Variants in PGBD5 observed in about 807,000 individuals in gnomAD.
The protein encoded by PGBD5 is piggyBac transposable element-derived protein 5.
In PGBD5, 14 loss-of-function variants were observed where a neutral mutation model predicts 47.9. The observed-to-expected ratio is 0.29, with a 90% CI of 0.19 to 0.46. The LOEUF (loss-of-function observed/expected upper bound fraction) is 0.46, where lower values mean the gene tolerates loss of function less well. PGBD5 is among the 20% of genes least tolerant of loss of function. The pLI is 1.00. For synonymous variants in PGBD5, 316 were observed against 306.3 expected, an observed-to-expected ratio of 1.03 and a Z score of -0.33; for missense variants, 635 against 716.0, an observed-to-expected ratio of 0.89 and a Z score of 1.29.
chr1:230,360,413 A>C (rs1460241673), intron 1 of PGBD5, among the ~76,000 whole-genome samples: 1 of 152,142 alleles, frequency 6.6e-6, no homozygotes, highest in African/African-American at 2.4e-5. Context: ...GCTATTCAGG[A>C]GTCAGTGATA....
chr1:230,365,312 CAAA>C (rs34846205), intron 1 of PGBD5, among the ~76,000 whole-genome samples: 2 of 115,742 alleles, frequency 1.7e-5, no homozygotes, highest in African/African-American at 3.3e-5. Flanking sequence ...GACTCCATCT[CAAA>C]AAAAAAAAAA....
intron 3 of PGBD5, 125 bp downstream of exon 3, chr1:230,350,833 G>A (rs1207526970): frequency 7.3e-7 from 1 of 1,362,450 alleles, no homozygotes; most frequent in Non-Finnish European, 9.9e-7. Flanking sequence ...GCATCTGGGT[G>A]GACTTGGACC....
At chr1:230,391,867 T>C (rs1014861800) in intron 1 of PGBD5, among the ~76,000 whole-genome samples, 9 of 152,218 alleles carry the variant, frequency 5.9e-5, no homozygotes, top group Admixed American at 2.0e-4. Flanking sequence ...CCATGCTGCA[T>C]TTCTTTCTTC....
intron 5 of PGBD5, among the ~76,000 whole-genome samples, chr1:230,326,889 C>A (rs1173850142): frequency 1.3e-5 from 2 of 152,142 alleles, no homozygotes; most frequent in Non-Finnish European, 2.9e-5. Flanking sequence ...CCTCAAACAC[C>A]TTTTCCTCTA....
intron 3 of PGBD5, among the ~76,000 whole-genome samples, chr1:230,350,341 TATC>T (rs1373746018): frequency 3.9e-5 from 6 of 152,194 alleles, no homozygotes; most frequent in African/African-American, 1.4e-4. Flanking sequence ...TTCCTGGGAG[TATC>T]ATCACAAAAA....
intron 1 of PGBD5, among the ~76,000 whole-genome samples, chr1:230,374,660 G>A (rs1454940864): frequency 1.3e-5 from 2 of 152,224 alleles, no homozygotes; most frequent in East Asian, 3.9e-4. Flanking sequence ...TGGCTTTTAT[G>A]AGTAGAAAAA....
At chr1:230,422,286 C>A (rs1571868329) in intron 1 of PGBD5, among the ~76,000 whole-genome samples, 1 of 152,038 alleles carries the variant, frequency 6.6e-6, no homozygotes, top group Non-Finnish European at 1.5e-5. Flanking sequence ...CTCCGAGAAA[C>A]GAATCACAAG....
chr1:230,358,570 T>TAC (rs140258742), intron 1 of PGBD5, among the ~76,000 whole-genome samples: 12 of 151,766 alleles, frequency 7.9e-5, no homozygotes, highest in East Asian at 1.9e-4. Flanking sequence ...GCCCTTTGAA[T>TAC]ACACACACAC....
chr1:230,383,229 C>T lies in PGBD5; in HGVS notation c.332-25908G>A, dbSNP rs1434216810. Among the ~76,000 whole-genome samples, 60 of 151,984 alleles carry T rather than the reference C, an allele frequency of 3.9e-4. 1 individual carries two copies. The highest frequency in any genetic ancestry group is 2.1e-4 in the Non-Finnish European group (14 of 68,004). On this transcript the variant is annotated intron_variant, in intron 1 of 6. Transcript: ENST00000391860. ...GGACCATAAGCATGCACCACCATGC[C>T]CAGCTAATTAAAAAAATTTTTTTTT...
At chr1:230,414,139 C>T (rs979324672) in intron 1 of PGBD5, among the ~76,000 whole-genome samples, 4 of 152,156 alleles carry the variant, frequency 2.6e-5, no homozygotes, top group Non-Finnish European at 5.9e-5. Context: ...ACAAAGGGTA[C>T]TTGGCTGAAT....
chr1:230,361,145 C>A (rs541681097), intron 1 of PGBD5, among the ~76,000 whole-genome samples: 1 of 152,328 alleles, frequency 6.6e-6, no homozygotes, highest in South Asian at 2.1e-4. Flanking sequence ...ATGGTCTTCC[C>A]ATCACCTCCT....
intron 1 of PGBD5, among the ~76,000 whole-genome samples, chr1:230,387,788 CCA>C (rs1656680554): frequency 6.6e-6 from 1 of 152,158 alleles, no homozygotes; most frequent in Non-Finnish European, 1.5e-5. Context: ...CTGAATGTTC[CCA>C]CACGCTCCTA....
At chr1:230,411,212 A>T (rs1339176194) in intron 1 of PGBD5, among the ~76,000 whole-genome samples, 1 of 152,180 alleles carries the variant, frequency 6.6e-6, no homozygotes, top group Non-Finnish European at 1.5e-5. Flanking sequence ...GGGCCTGGGA[A>T]GTAAAGGCTG....
intron 5 of PGBD5, among the ~76,000 whole-genome samples, chr1:230,330,046 G>A (rs1426648953): frequency 9.2e-5 from 14 of 152,144 alleles, no homozygotes; most frequent in Admixed American, 9.2e-4. Context: ...ATGTGCTATA[G>A]GCAGAAAACT....
chr1:230,395,832 GCTC>G (rs887977512), intron 1 of PGBD5, among the ~76,000 whole-genome samples: 1 of 19,854 alleles, frequency 5.0e-5, no homozygotes, highest in Non-Finnish European at 8.8e-5. Flanking sequence ...CCATCCCTGA[GCTC>G]CTCATTCCTA....
intron 1 of PGBD5, among the ~76,000 whole-genome samples, chr1:230,418,288 C>T (rs542445841): frequency 2.6e-4 from 40 of 152,170 alleles, no homozygotes; most frequent in Middle Eastern, 3.4e-3. Context: ...AAAAGTCTAC[C>T]GATAGGACAC....
chr1:230,385,915 T>C (rs563408811), intron 1 of PGBD5, among the ~76,000 whole-genome samples: 1 of 152,292 alleles, frequency 6.6e-6, no homozygotes, highest in South Asian at 2.1e-4. Context: ...GGCCCCACCC[T>C]AGCCCTGCTA....
In PGBD5 at chr1:230,315,116, C is replaced by T. The variant is rs1666915619; in HGVS notation, c.*8309G>A. The T allele has an allele frequency of 6.6e-6, 1 of 152,136 alleles. No homozygotes were observed. The highest frequency in any genetic ancestry group is 2.4e-5 in the African/African-American group (1 of 41,392). The allele number at this position is 152,136 out of a possible 1,614,324, so 9.4% of individuals were successfully genotyped here. On this transcript the variant is annotated 3_prime_UTR_variant, in exon 7 of 7. Transcript: ENST00000391860. ...CAGGGCTTAGCTTCCTGGCTATTTT[C>T]AACTCTTCTTAGTGAAGACCAGCAT...
At chr1:230,362,442 C>A in intron 1 of PGBD5, 1 of 1,267,750 alleles carries the variant, frequency 7.9e-7, no homozygotes, top group Non-Finnish European at 1.0e-6. Flanking sequence ...CCGTGGCAAG[C>A]TCTTTCCCGC....
Sources: allele counts gnomAD v4.1 joint callset (sites outside exome capture counted in the v4.1 genomes callset), GRCh38; gene constraint gnomAD v4.1.1; transcripts MANE v1.5; gene names NCBI Gene and HGNC (gene_info 2026-07-23, HGNC 2026-07-21).